MDM2: variants seen among roughly 807,000 people sequenced by gnomAD.
The protein encoded by MDM2 is E3 ubiquitin-protein ligase Mdm2.
A neutral mutation model predicts 64.3 loss-of-function variants in MDM2; 11 were observed. The ratio of observed to expected loss-of-function variants is 0.17; its 90% CI spans 0.11 to 0.28. The LOEUF (loss-of-function observed/expected upper bound fraction) is 0.28, where lower values mean the gene tolerates loss of function less well. Among genes scored for constraint, MDM2 ranks in the 10% least tolerant of loss-of-function variants. The pLI is 1.00. For synonymous variants in MDM2, 194 were observed against 192.9 expected, an observed-to-expected ratio of 1.01 and a Z score of -0.05; for missense variants, 388 against 577.1, an observed-to-expected ratio of 0.67 and a Z score of 3.36.
chr12:68,846,287 A>G (rs1592614389), downstream of MDM2: 1 of 152,032 alleles, frequency 6.6e-6, no homozygotes, highest in Admixed American at 6.6e-5. Flanking sequence ...CAGTTTCACC[A>G]TGTTGCCCAG....
chr12:68,833,127 A>AG (rs1882941816), intron 8 of MDM2, among the ~76,000 whole-genome samples: 2 of 51,538 alleles, frequency 3.9e-5, no homozygotes, highest in Non-Finnish European at 6.5e-5. Context: ...CTCTGTCTCC[A>AG]AAAAAAAAAA....
intron 2 of MDM2, among the ~76,000 whole-genome samples, chr12:68,812,350 C>G: frequency 6.6e-6 from 1 of 152,152 alleles, no homozygotes; most frequent in East Asian, 1.9e-4. Context: ...GGGGTGCTGT[C>G]AGATTTTAAA....
At chr12:68,833,476 C>T (rs1157436557) in intron 8 of MDM2, among the ~76,000 whole-genome samples, 1 of 146,664 alleles carries the variant, frequency 6.8e-6, no homozygotes, top group Non-Finnish European at 1.5e-5. Context: ...TTAATAGTTT[C>T]TGGGGCATTC....
At chr12:68,831,843 G>T (rs1223691993) in intron 8 of MDM2, among the ~76,000 whole-genome samples, 4 of 152,106 alleles carry the variant, frequency 2.6e-5, no homozygotes, top group Non-Finnish European at 5.9e-5. Context: ...CCAGGCGGGC[G>T]GATCACCTGA....
chr12:68,826,478 A>G (rs1882328597), intron 7 of MDM2, among the ~76,000 whole-genome samples: 1 of 151,804 alleles, frequency 6.6e-6, no homozygotes, highest in Non-Finnish European at 1.5e-5. Context: ...GTGAAACCCC[A>G]TCTCTATTAA....
intron 2 of MDM2, among the ~76,000 whole-genome samples, chr12:68,811,456 A>G (rs1014444227): frequency 6.6e-6 from 1 of 152,036 alleles, no homozygotes; most frequent in Non-Finnish European, 1.5e-5. Flanking sequence ...TCTAGATTTA[A>G]ATTTTTTAAA....
chr12:68,827,265 C>T (rs1882415167), intron 7 of MDM2, among the ~76,000 whole-genome samples: 1 of 151,912 alleles, frequency 6.6e-6, no homozygotes, highest in South Asian at 2.1e-4. Flanking sequence ...AAAATGATAT[C>T]ATTTCACTTT....
intron 1 of MDM2, 52 bp from the exon 2 acceptor site, chr12:68,809,156 C>T (rs2136105385): frequency 6.2e-7 from 1 of 1,604,562 alleles, no homozygotes; most frequent in South Asian, 1.1e-5. Flanking sequence ...ATGTATTTTC[C>T]ACAGATGTTT....
chr12:68,839,609 A>G lies in MDM2; in HGVS notation c.1254A>G (p.Lys418=), dbSNP rs1234379080. ...TTTATAGCAGCCAAGAAGATGTGAA[A>G]GAGTTTGAAAGGGAAGAAACCCAAG... ...SIIYSSQEDV[K]EFEREETQDK... The change falls in exon 11 of 11, where the codon AAA becomes AAG. Residue 418 remains lysine (K), a synonymous_variant. Coordinates refer to ENST00000258149, the MANE Select transcript of MDM2 (RefSeq NM_002392.6). The G allele has an allele frequency of 1.9e-6, 3 of 1,613,834 alleles. No homozygotes were observed. In the African/African-American group the frequency reaches 4.0e-5, roughly 22 times the overall value.
chr12:68,822,055 A>AT (rs1565737459), intron 5 of MDM2, among the ~76,000 whole-genome samples: 1 of 151,998 alleles, frequency 6.6e-6, no homozygotes, highest in Non-Finnish European at 1.5e-5. Context: ...CGGTGTTGCT[A>AT]TGTTGCCCAG....
At chr12:68,814,050 TATA>T (rs1881139120) in intron 3 of MDM2, among the ~76,000 whole-genome samples, 1 of 152,244 alleles carries the variant, frequency 6.6e-6, no homozygotes, top group Admixed American at 6.5e-5. Flanking sequence ...ATATAATAAA[TATA>T]ATGTTTTTTT....
At position 68,843,090 on chromosome 12, in the gene MDM2, TG is replaced by T; in HGVS notation, c.*3244del. 9.0e-6 allele frequency: 2 copies of T among 223,092 alleles called. No individual in the cohort carries two copies. Among genetic ancestry groups the T allele is most frequent in the Non-Finnish European group, 1.8e-5 (2 of 111,928 alleles). The allele number at this position is 223,092 out of a possible 1,614,324, so 13.8% of individuals were successfully genotyped here. ...TCAGTGCCTTTTGCAATTTGTTGTGTGGGTTTTTTTTTTTTTAAAGCCACAC... is the reference window on the plus strand; with the variant it reads ...TCAGTGCCTTTTGCAATTTGTTGTGTGGTTTTTTTTTTTTTAAAGCCACAC... On this transcript the variant is annotated 3_prime_UTR_variant, in exon 11 of 11. Transcript: ENST00000258149.
intron 4 of MDM2, among the ~76,000 whole-genome samples, chr12:68,818,593 T>C (rs1284724680): frequency 6.7e-6 from 1 of 148,372 alleles, no homozygotes; most frequent in Admixed American, 6.8e-5. Flanking sequence ...ATTACAAATA[T>C]ATGTATAATT....
chr12:68,816,362 C>CTTTTTTTTTTTTTTTTTTTTTTTTTTTT (rs62874563), intron 3 of MDM2, among the ~76,000 whole-genome samples: 1 of 61,064 alleles, frequency 1.6e-5, no homozygotes, highest in African/African-American at 6.7e-5. Context: ...TTAAAAGTAG[C>CTTTTTTTTTTTTTTTTTTTTTTTTTTTT]TTTTTTTTTT....
At chr12:68,831,878 G>A (rs1204330964) in intron 8 of MDM2, among the ~76,000 whole-genome samples, 1 of 152,042 alleles carries the variant, frequency 6.6e-6, no homozygotes, top group Non-Finnish European at 1.5e-5. Flanking sequence ...GACCAGCCTC[G>A]CCAACATGTT....
chr12:68,841,930 A>G lies in MDM2; in HGVS notation c.*2081A>G. The G allele has an allele frequency of 3.6e-6, 1 of 275,464 alleles. No homozygotes were observed. The highest frequency in any genetic ancestry group is 4.1e-4 in the Middle Eastern group (1 of 2,436). 17.1% of individuals were successfully genotyped at this position (275,464 alleles called of 1,614,324 possible). A position where few individuals can be genotyped will look rare whatever the true frequency, so the allele number is the denominator to read the frequency against. ...GGCCCATCCGAGCTCAGCACTGAGA[A>G]GTGTTAGTTTCTTTGGGACCCATCT... On this transcript the variant is annotated 3_prime_UTR_variant, in exon 11 of 11. Transcript: ENST00000258149.
chr12:68,819,418 A>G (rs1191861893), intron 4 of MDM2, among the ~76,000 whole-genome samples: 1 of 152,216 alleles, frequency 6.6e-6, no homozygotes, highest in African/African-American at 2.4e-5. Context: ...ACATAGTACC[A>G]GTGACTGGTA....
chr12:68,847,539 C>T (rs1884414117), downstream of MDM2: 2 of 144,940 alleles, frequency 1.4e-5, no homozygotes, highest in African/African-American at 2.7e-5. Flanking sequence ...CTGCAAGCTC[C>T]GCCTCCCAGG....
intron 4 of MDM2, among the ~76,000 whole-genome samples, chr12:68,819,258 T>A (rs1225252491): frequency 6.6e-6 from 1 of 152,192 alleles, no homozygotes; most frequent in Non-Finnish European, 1.5e-5. Context: ...TGACAAACAC[T>A]CTCTTAAATC....
Sources: allele counts gnomAD v4.1 joint callset (sites outside exome capture counted in the v4.1 genomes callset), GRCh38; gene constraint gnomAD v4.1.1; transcripts MANE v1.5; gene names NCBI Gene and HGNC (gene_info 2026-07-23, HGNC 2026-07-21).